The following PROS1 variants were observed in gnomAD, a reference collection of about 807,000 sequenced individuals.
PROS1 encodes the protein vitamin K-dependent protein S.
In PROS1, 29 loss-of-function variants were observed where a neutral mutation model predicts 75.9. The observed-to-expected ratio is 0.38, with a 90% CI of 0.28 to 0.52. The LOEUF (loss-of-function observed/expected upper bound fraction) is 0.52. Among genes scored for constraint, PROS1 ranks in the 20% least tolerant of loss-of-function variants. The probability of loss-of-function intolerance (pLI) is 0.83; values close to 1 mark genes in which losing one functional copy is unlikely to be tolerated. For missense variants in PROS1, 680 were observed against 810.3 expected (o/e 0.84, Z 1.95); for synonymous variants, 245 against 280.6 (o/e 0.87, Z 1.27).
intron 1 of PROS1, chr3:93,928,606 C>T (rs1188070741): frequency 2.7e-6 from 1 of 376,740 alleles, no homozygotes; most frequent in East Asian, 8.9e-5. Context: ...AATGAAAAAC[C>T]TTTGTGATCT....
chr3:93,943,230 T>G (rs1466835622), intron 1 of PROS1, among the ~76,000 whole-genome samples: 2 of 152,066 alleles, frequency 1.3e-5, no homozygotes, highest in Non-Finnish European at 2.9e-5. Context: ...CTCACCAAGC[T>G]CAGCCTCCAA....
chr3:93,950,140 C>T (rs75847037), intron 1 of PROS1, among the ~76,000 whole-genome samples: 4 of 152,126 alleles, frequency 2.6e-5, no homozygotes, highest in South Asian at 2.1e-4. Context: ...GGGGGAAGCG[C>T]GTCTGCCATT....
At chr3:93,923,092 C>T (rs1708966626) in intron 3 of PROS1, among the ~76,000 whole-genome samples, 1 of 152,050 alleles carries the variant, frequency 6.6e-6, no homozygotes, top group East Asian at 1.9e-4. Flanking sequence ...AGCCTGGATC[C>T]CACATCTTGT....
chr3:93,950,344 C>T (rs1709476166), intron 1 of PROS1, among the ~76,000 whole-genome samples: 1 of 152,172 alleles, frequency 6.6e-6, no homozygotes, highest in South Asian at 2.1e-4. Context: ...GTGGTTCTCC[C>T]AGCACGGAGT....
chr3:93,971,823 T>C (rs1362733245), intron 1 of PROS1, among the ~76,000 whole-genome samples: 1 of 151,944 alleles, frequency 6.6e-6, no homozygotes, highest in African/African-American at 2.4e-5. Context: ...TAAATAAAAA[T>C]AAAGTAAAAT....
intron 6 of PROS1, among the ~76,000 whole-genome samples, chr3:93,905,527 C>T (rs1203371160): frequency 6.6e-6 from 1 of 152,126 alleles, no homozygotes. Flanking sequence ...ATCAATTAAG[C>T]TCGGGAGGTC....
intron 3 of PROS1, among the ~76,000 whole-genome samples, chr3:93,920,782 CTCTT>C (rs1417846641): frequency 6.6e-6 from 1 of 151,986 alleles, no homozygotes; most frequent in African/African-American, 2.4e-5. Context: ...TCTTTTCTCT[CTCTT>C]TCTCTTTCCA....
rs751299946 is a variant in PROS1 at position 93,927,314 on chromosome 3, T to A, written c.170A>T (p.Glu57Val). Reference sequence around the variant, plus strand: ...TTTATTGCACAGTTCTTCGATGCATTCTCTTTCAAGATTACCCTGTTTGGT... The same window carrying A: ...TTTATTGCACAGTTCTTCGATGCATACTCTTTCAAGATTACCCTGTTTGGT... ...EETKQGNLERECIEELCNKEE... is the reference protein window; with the variant it reads ...EETKQGNLERVCIEELCNKEE... The change falls in exon 2 of 15, where the codon GAA (glutamate) becomes GTA (valine). Residue 57 changes from glutamate (E) to valine (V), a missense_variant. Physicochemically the swap from Glu to Val is moderately radical, Grantham distance 121. Transcript: ENST00000394236. 6.2e-7 allele frequency: 1 copy of A among 1,613,828 alleles called. No individual in the cohort carries two copies. The highest frequency in any genetic ancestry group is 8.5e-7 in the Non-Finnish European group (1 of 1,180,036).
chr3:93,940,283 C>T (rs1035230305), intron 1 of PROS1, among the ~76,000 whole-genome samples: 5 of 152,202 alleles, frequency 3.3e-5, no homozygotes, highest in Non-Finnish European at 7.3e-5. Flanking sequence ...AAGACTGACA[C>T]TGCCCGATTG....
intron 1 of PROS1, among the ~76,000 whole-genome samples, chr3:93,933,543 C>A (rs2107212927): frequency 6.6e-6 from 1 of 151,488 alleles, no homozygotes; most frequent in Non-Finnish European, 1.5e-5. Context: ...CACTGCACTC[C>A]AGCCTGGGTG....
At chr3:93,973,642 G>A in intron 1 of PROS1, 32 bp downstream of exon 1, 6 of 1,606,348 alleles carry the variant, frequency 3.7e-6, no homozygotes, top group Non-Finnish European at 5.1e-6. Context: ...ACAATGCTGG[G>A]GAAGGGAGAA....
intron 4 of PROS1, 47 bp downstream of exon 4, chr3:93,910,572 T>A: frequency 6.8e-7 from 1 of 1,475,222 alleles, no homozygotes; most frequent in Non-Finnish European, 9.5e-7. Context: ...GTACTTTACC[T>A]ACAGAGTTTT....
rs534604821 is a variant in PROS1 at position 93,960,466 on chromosome 3, G to A, written c.76+13208C>T. ...GCTGGGATTACAGCCGTGAGCCACCGCGTCTGGCTGCGTTTGTCACTTTTA... is the reference window on the plus strand; with the variant it reads ...GCTGGGATTACAGCCGTGAGCCACCACGTCTGGCTGCGTTTGTCACTTTTA... On this transcript the variant is annotated intron_variant, in intron 1 of 14. Transcript: ENST00000394236. 1.6e-4 allele frequency among the ~76,000 whole-genome samples: 24 copies of A among 149,574 alleles called. No homozygotes were observed. In the South Asian group the frequency reaches 2.1e-3, roughly 13 times the overall value.
At chr3:93,972,578 C>A (rs1390675014) in intron 1 of PROS1, among the ~76,000 whole-genome samples, 1 of 152,092 alleles carries the variant, frequency 6.6e-6, no homozygotes, top group Non-Finnish European at 1.5e-5. Flanking sequence ...GTGGCTCACG[C>A]CTGTAATCCC....
At chr3:93,882,655 T>TA (rs1390589528) in intron 12 of PROS1, among the ~76,000 whole-genome samples, 1 of 152,198 alleles carries the variant, frequency 6.6e-6, no homozygotes, top group Non-Finnish European at 1.5e-5. Context: ...GAACTCCATG[T>TA]AGGGGCTGAC....
At chr3:93,912,710 G>T (rs1435119309) in intron 3 of PROS1, among the ~76,000 whole-genome samples, 4 of 152,110 alleles carry the variant, frequency 2.6e-5, no homozygotes, top group Non-Finnish European at 4.4e-5. Context: ...AGGCCCTCTT[G>T]CTACACCATC....
At chr3:93,880,243 G>A (rs1262869470) in intron 12 of PROS1, among the ~76,000 whole-genome samples, 3 of 152,158 alleles carry the variant, frequency 2.0e-5, no homozygotes, top group South Asian at 2.1e-4. Flanking sequence ...GACCGGGTAC[G>A]GTGGCACATG....
intron 3 of PROS1, among the ~76,000 whole-genome samples, chr3:93,916,701 A>G (rs1559938208): frequency 6.6e-6 from 1 of 152,316 alleles, no homozygotes; most frequent in East Asian, 1.9e-4. Context: ...AAGGGATTAA[A>G]AACAGAAATT....
chr3:93,915,842 C>T (rs145441835), intron 3 of PROS1, among the ~76,000 whole-genome samples: 42 of 152,268 alleles, frequency 2.8e-4, no homozygotes, highest in Non-Finnish European at 3.2e-4. Context: ...CTAGGCTCTT[C>T]CTAGCCTGCT....
Sources: allele counts gnomAD v4.1 joint callset (sites outside exome capture counted in the v4.1 genomes callset), GRCh38; gene constraint gnomAD v4.1.1; transcripts MANE v1.5; gene names NCBI Gene and HGNC (gene_info 2026-07-23, HGNC 2026-07-21).